The following EPS15L1 variants were observed in gnomAD, a reference collection of about 807,000 sequenced individuals.
The protein encoded by EPS15L1 is epidermal growth factor receptor pathway substrate 15 like 1.
Under a neutral mutation model 117.1 loss-of-function variants are expected in EPS15L1, and 43 were observed. The ratio of observed to expected loss-of-function variants is 0.37; its 90% CI spans 0.29 to 0.47. The LOEUF (loss-of-function observed/expected upper bound fraction) is 0.47, where lower values mean the gene tolerates loss of function less well. EPS15L1 is among the 20% of genes least tolerant of loss of function. The pLI, the probability that EPS15L1 is intolerant of heterozygous loss-of-function variation, is 0.99. For synonymous variants in EPS15L1, 459 were observed against 470.5 expected (o/e 0.98, Z 0.32); for missense variants, 981 against 1,164.0 (o/e 0.84, Z 2.29).
chr19:16,414,712 GT>G lies in EPS15L1; in HGVS notation c.1194-868del, dbSNP rs562460865. 6.1e-3 allele frequency among the ~76,000 whole-genome samples: 773 copies of G among 126,988 alleles called. 3 individuals carry two copies. Among genetic ancestry groups the G allele is most frequent in the South Asian group, 8.5e-3 (34 of 4,008 alleles). The allele number at this position is 126,988 out of a possible 152,430, so 83.3% of individuals were successfully genotyped here. A position where few individuals can be genotyped will look rare whatever the true frequency, so the allele number is the denominator to read the frequency against. On this transcript the variant is annotated intron_variant, in intron 12 of 23. Coordinates refer to ENST00000455140, the MANE Select transcript of EPS15L1 (RefSeq NM_001258374.3). ...ACACGCCTGGCCTTTTTTTGGTTTTGTTTTTTTTTTTTTTTGAGACAGGCTC... is the reference window on the plus strand; with the variant it reads ...ACACGCCTGGCCTTTTTTTGGTTTTGTTTTTTTTTTTTTTGAGACAGGCTC...
At chr19:16,435,414 G>A (rs890470810) in intron 6 of EPS15L1, 1 of 152,260 alleles carries the variant, frequency 6.6e-6, no homozygotes, top group Non-Finnish European at 1.5e-5. Context: ...CCATGAGTGA[G>A]GCAGTGGCTT....
chr19:16,428,774 G>A lies in EPS15L1; in HGVS notation c.499-13C>T. 9 of 1,604,570 alleles carry A rather than the reference G, an allele frequency of 5.6e-6. No homozygotes were observed. Among genetic ancestry groups the A allele is most frequent in the Non-Finnish European group, 7.7e-6 (9 of 1,175,288 alleles). On this transcript the variant is annotated splice_polypyrimidine_tract_variant and intron_variant, in intron 7 of 23. Coordinates refer to ENST00000455140, the MANE Select transcript of EPS15L1 (RefSeq NM_001258374.3). ...TGAGGTCCCAGACCTGCAAGGGAGA[G>A]ACCAGCATGGGTAACTGTGGGAGGA...
chr19:16,417,916 A>C, intron 11 of EPS15L1, 32 bp downstream of exon 11: 1 of 1,592,458 alleles, frequency 6.3e-7, no homozygotes, highest in East Asian at 2.2e-5. Flanking sequence ...AAGGGATGTC[A>C]ATACCCCCAG....
At chr19:16,380,898 C>T (rs1218168786) in intron 21 of EPS15L1, among the ~76,000 whole-genome samples, 1 of 152,226 alleles carries the variant, frequency 6.6e-6, no homozygotes, top group Admixed American at 6.5e-5. Context: ...ATTTGCGTCC[C>T]GTCACAGAGA....
chr19:16,411,619 A>G (rs1248216718), intron 13 of EPS15L1, among the ~76,000 whole-genome samples: 1 of 152,238 alleles, frequency 6.6e-6, no homozygotes, highest in Non-Finnish European at 1.5e-5. Flanking sequence ...TAAAATTTGC[A>G]GATGCTCAAG....
rs2092224967 is a variant in EPS15L1, at chr19:16,371,569, G to C, written c.2380+5553C>G. 6.6e-6 allele frequency among the ~76,000 whole-genome samples: 1 copy of C among 152,162 alleles called. No homozygotes were observed. Among genetic ancestry groups the C allele is most frequent in the Non-Finnish European group, 1.5e-5 (1 of 68,036 alleles). On this transcript the variant is annotated intron_variant, in intron 22 of 23. Coordinates refer to ENST00000455140, the MANE Select transcript of EPS15L1 (RefSeq NM_001258374.3). The surrounding 1 kb of genome is among the most constrained non-coding windows in gnomAD (Gnocchi z 4.7). Reference sequence around the variant, plus strand: ...CAGTAATAAAATAATCATTAAATTGGGGAGAGGTTAAAGGTGACTGGCTGG... The same window carrying C: ...CAGTAATAAAATAATCATTAAATTGCGGAGAGGTTAAAGGTGACTGGCTGG...
intron 1 of EPS15L1, among the ~76,000 whole-genome samples, chr19:16,447,316 G>A (rs2093093484): frequency 6.6e-6 from 1 of 152,226 alleles, no homozygotes; most frequent in Non-Finnish European, 1.5e-5. Context: ...ATGTTACCAA[G>A]AGAAGGAGAA....
chr19:16,403,563 T>C (rs943213534), intron 15 of EPS15L1, among the ~76,000 whole-genome samples, 170 bp downstream of exon 15: 1 of 152,094 alleles, frequency 6.6e-6, no homozygotes, highest in African/African-American at 2.4e-5. Context: ...CTCTGGAACA[T>C]GCCCTGGGGA....
chr19:16,398,355 CAAGTT>C (rs1382641632), intron 16 of EPS15L1, among the ~76,000 whole-genome samples: 1 of 152,220 alleles, frequency 6.6e-6, no homozygotes, highest in Non-Finnish European at 1.5e-5. Flanking sequence ...GGTTCTTAGA[CAAGTT>C]AAGTACAGAT....
At position 16,365,536 on chromosome 19, in the gene EPS15L1, G is replaced by A. The variant is rs1359313080; in HGVS notation, c.2381-3552C>T. 6.6e-6 allele frequency among the ~76,000 whole-genome samples: 1 copy of A among 152,216 alleles called. No homozygotes were observed. Among genetic ancestry groups the A allele is most frequent in the East Asian group, 1.9e-4 (1 of 5,200 alleles). ...CGGGACAATCCATGTCTGCTGTTTA[G>A]GCTGAGATAGAGCAAGTGTGAGCAG... On this transcript the variant is annotated intron_variant, in intron 22 of 23. Coordinates refer to ENST00000455140, the MANE Select transcript of EPS15L1 (RefSeq NM_001258374.3). The surrounding 1 kb of genome is among the most constrained non-coding windows in gnomAD (Gnocchi z 4.9).
Position 16,440,927 on chromosome 19 carries a change from T to C in EPS15L1, c.166-18A>G. ...TCCCATATCTGCGGAAACACAAAAA[T>C]GCTCATAAGCATGACTGCCGATCAC... On this transcript the variant is annotated intron_variant, in intron 3 of 23. Transcript: ENST00000455140. 1 of 1,613,944 alleles carries C rather than the reference T, an allele frequency of 6.2e-7. No homozygotes were observed. The highest frequency in any genetic ancestry group is 1.1e-5 in the South Asian group (1 of 91,086).
chr19:16,402,673 C>G (rs1269607063), intron 15 of EPS15L1, among the ~76,000 whole-genome samples, 188 bp from the exon 16 acceptor site: 1 of 151,924 alleles, frequency 6.6e-6, no homozygotes, highest in Non-Finnish European at 1.5e-5. Context: ...TCCTGAGTAG[C>G]TGGGACTACA....
At chr19:16,433,398 C>T (rs1230048346) in intron 7 of EPS15L1, among the ~76,000 whole-genome samples, 3 of 152,144 alleles carry the variant, frequency 2.0e-5, no homozygotes, top group Non-Finnish European at 2.9e-5. Context: ...TCCCAAAGTG[C>T]TGGGATTACG....
intron 1 of EPS15L1, among the ~76,000 whole-genome samples, chr19:16,449,286 G>A (rs1181597112): frequency 2.6e-5 from 4 of 151,782 alleles, no homozygotes; most frequent in Admixed American, 1.3e-4. Flanking sequence ...AAAAAAACAC[G>A]AAGAAGAAAA....
chr19:16,416,806 AAAC>A (rs1377675341), intron 12 of EPS15L1, among the ~76,000 whole-genome samples: 2 of 152,268 alleles, frequency 1.3e-5, no homozygotes, highest in African/African-American at 4.8e-5. Context: ...TCTGAAAAAC[AAAC>A]AACAAAAAAG....
intron 1 of EPS15L1, among the ~76,000 whole-genome samples, chr19:16,466,903 C>CAAA (rs1317502176): frequency 1.4e-5 from 1 of 71,474 alleles, no homozygotes; most frequent in Non-Finnish European, 2.9e-5. Flanking sequence ...AACTCTGTCT[C>CAAA]AAAAAAAAAA....
chr19:16,360,192 C>A (rs1376395431), intron 23 of EPS15L1, among the ~76,000 whole-genome samples: 1 of 151,954 alleles, frequency 6.6e-6, no homozygotes, highest in Non-Finnish European at 1.5e-5. Context: ...ACTTACCTAA[C>A]TCTTCCCTAC....
chr19:16,369,675 A>AGGGTGTGTGTGTG (rs1220296158), intron 22 of EPS15L1, among the ~76,000 whole-genome samples: 1 of 72,608 alleles, frequency 1.4e-5, no homozygotes, highest in Non-Finnish European at 2.6e-5. Context: ...GAAGAAAAAA[A>AGGGTGTGTGTGTG]AGTGTGTGTG....
At chr19:16,452,204 G>C (rs1227271439) in intron 1 of EPS15L1, among the ~76,000 whole-genome samples, 3 of 150,372 alleles carry the variant, frequency 2.0e-5, no homozygotes, top group Non-Finnish European at 4.4e-5. Flanking sequence ...CCAGCACTTT[G>C]GGAGGCTGAG....
Sources: gnomAD v4.1 joint callset for allele counts (sites outside exome capture counted in the v4.1 genomes callset) on GRCh38, gnomAD v4.1.1 for gene constraint, Gnocchi (gnomAD v3.1) non-coding constraint, MANE v1.5 for transcripts, NCBI Gene and HGNC (gene_info 2026-07-23, HGNC 2026-07-21) for gene names.